Variants in FAM222A observed in about 807,000 individuals in gnomAD.
FAM222A encodes the protein family with sequence similarity 222 member A, also known as protein FAM222A.
A neutral mutation model predicts 25.8 loss-of-function variants in FAM222A; 7 were observed. The ratio of observed to expected loss-of-function variants is 0.27; its 90% CI spans 0.15 to 0.51. The LOEUF is 0.51. FAM222A is among the 20% of genes least tolerant of loss of function. The pLI is 0.97. For synonymous variants in FAM222A, 294 were observed against 298.8 expected (o/e 0.98, Z 0.17); for missense variants, 573 against 640.5 (o/e 0.89, Z 1.14).
At chr12:109,752,208 A>AGAAC (rs1164552277) in intron 2 of FAM222A, among the ~76,000 whole-genome samples, 4 of 152,232 alleles carry the variant, frequency 2.6e-5, no homozygotes, top group Non-Finnish European at 5.9e-5. Context: ...CTCCAAAGCC[A>AGAAC]GAACAGGAGA....
Position 109,760,364 on chromosome 12 carries a change from G to A in FAM222A, c.83-7648G>A, listed in dbSNP as rs77691086. 1.5e-3 allele frequency among the ~76,000 whole-genome samples: 223 copies of A among 152,322 alleles called. 2 individuals are homozygous for A. Among genetic ancestry groups the A allele is most frequent in the African/African-American group, 4.8e-3 (201 of 41,578 alleles). On this transcript the variant is annotated intron_variant, in intron 2 of 2. Coordinates refer to ENST00000538780, the MANE Select transcript of FAM222A (RefSeq NM_032829.3). ...AGTGAGGCTCCGGTTATGGAGGAAA[G>A]AGGGCACATCAGTGTGAGAGAATGG...
intron 2 of FAM222A, among the ~76,000 whole-genome samples, chr12:109,765,300 T>C (rs1889012524): frequency 1.3e-5 from 2 of 152,208 alleles, no homozygotes; most frequent in South Asian, 4.1e-4. Flanking sequence ...CCGATGCCAG[T>C]AGCACCTCTA....
intron 2 of FAM222A, among the ~76,000 whole-genome samples, chr12:109,765,374 CG>C (rs764159735): frequency 2.6e-5 from 4 of 152,012 alleles, no homozygotes; most frequent in Non-Finnish European, 5.9e-5. Context: ...CAGTGAGAGC[CG>C]CTTTCCTGCA....
At chr12:109,759,280 T>C (rs1344551) in intron 2 of FAM222A, among the ~76,000 whole-genome samples, 122,861 of 152,118 alleles carry the variant, frequency 0.81, 49,834 homozygotes, top group Non-Finnish European at 0.83. Context: ...GAAGAACACA[T>C]GCCTCTCCCT....
chr12:109,730,345 G>A (rs1234939741), intron 1 of FAM222A, among the ~76,000 whole-genome samples: 4 of 149,624 alleles, frequency 2.7e-5, no homozygotes, highest in Non-Finnish European at 4.4e-5. Context: ...AAGGAGGTGA[G>A]GAAGATTCTG....
intron 2 of FAM222A, among the ~76,000 whole-genome samples, chr12:109,755,697 C>T (rs1031457721): frequency 7.9e-5 from 12 of 152,192 alleles, no homozygotes; most frequent in Non-Finnish European, 8.8e-5. Context: ...TTTTGCATAT[C>T]GATACCTAGC....
chr12:109,760,818 G>A (rs1888869730), intron 2 of FAM222A, among the ~76,000 whole-genome samples: 1 of 152,200 alleles, frequency 6.6e-6, no homozygotes, highest in Non-Finnish European at 1.5e-5. Context: ...AGCTGGGGAC[G>A]CCATGTGTGG....
At chr12:109,763,975 A>G (rs955843203) in intron 2 of FAM222A, among the ~76,000 whole-genome samples, 2 of 152,104 alleles carry the variant, frequency 1.3e-5, no homozygotes, top group Non-Finnish European at 2.9e-5. Context: ...CTGACCTGTA[A>G]TCCCAGCACT....
intron 2 of FAM222A, among the ~76,000 whole-genome samples, chr12:109,755,287 C>CTTTTTT (rs540689300): frequency 3.0e-4 from 15 of 49,426 alleles, no homozygotes; most frequent in Admixed American, 6.0e-4. Flanking sequence ...TGTAATTCTT[C>CTTTTTT]TTTTTTTTTT....
In FAM222A at chr12:109,753,561, G is replaced by T. The variant is rs572875685; in HGVS notation, c.82+9333G>T. On this transcript the variant is annotated intron_variant, in intron 2 of 2. Coordinates refer to ENST00000538780, the MANE Select transcript of FAM222A (RefSeq NM_032829.3). ...ATACCTCACCTGCCCCCCCATCCCG[G>T]GGGGGGGAGCCTCTCCCACAATATC... 4.1e-4 allele frequency among the ~76,000 whole-genome samples: 45 copies of T among 108,944 alleles called. No individual in the cohort carries two copies. The East Asian group carries it at 0.017, about 40-fold the overall frequency. 71.5% of individuals were successfully genotyped at this position (108,944 alleles called of 152,430 possible).
chr12:109,762,179 AG>A (rs1239653334), intron 2 of FAM222A, among the ~76,000 whole-genome samples: 1 of 152,166 alleles, frequency 6.6e-6, no homozygotes, highest in Non-Finnish European at 1.5e-5. Context: ...TGGTTACTGT[AG>A]CTGTGTACTA....
At chr12:109,743,830 A>C in intron 1 of FAM222A, 1 of 985,026 alleles carries the variant, frequency 1.0e-6, no homozygotes, top group South Asian at 4.7e-5. Context: ...AGAGCAGATG[A>C]CCCAGATGCC....
intron 1 of FAM222A, among the ~76,000 whole-genome samples, chr12:109,715,220 CTGGGGGG>C: frequency 6.6e-6 from 1 of 151,988 alleles, no homozygotes; most frequent in Non-Finnish European, 1.5e-5. Context: ...CTTGGAAGGG[CTGGGGGG>C]TGGGGGGCAC....
In FAM222A at chr12:109,769,055, G is replaced by A. The variant is rs774939287; in HGVS notation, c.1126G>A (p.Ala376Thr). 67 of 1,590,796 alleles carry A rather than the reference G, an allele frequency of 4.2e-5. No individual in the cohort carries two copies. The highest frequency in any genetic ancestry group is 1.7e-4 in the Middle Eastern group (1 of 6,058). Residue 376 changes from alanine to threonine, a missense_variant, in exon 3 of 3, where the codon GCA becomes ACA. Transcript: ENST00000538780. ...AVVVTELGPG[A>T]ARELAGPPAD... ...GGTGGTCACGGAGCTGGGGCCGGGG[G>A]CAGCCCGGGAGCTGGCTGGGCCCCC...
chr12:109,762,857 G>A (rs1425532916), intron 2 of FAM222A, among the ~76,000 whole-genome samples: 1 of 152,124 alleles, frequency 6.6e-6, no homozygotes, highest in African/African-American at 2.4e-5. Flanking sequence ...ACTGTGGCCA[G>A]GCCAGGCTTC....
At chr12:109,733,625 G>A (rs1203543461) in intron 1 of FAM222A, among the ~76,000 whole-genome samples, 4 of 152,116 alleles carry the variant, frequency 2.6e-5, no homozygotes, top group Non-Finnish European at 2.9e-5. Flanking sequence ...GGATGGTCTC[G>A]ATCTCCTGTC....
intron 1 of FAM222A, 30 bp from the exon 2 acceptor site, chr12:109,744,071 G>A (rs1566191417): frequency 1.2e-5 from 19 of 1,560,094 alleles, no homozygotes; most frequent in South Asian, 9.4e-5. Context: ...CAGCCCCCAA[G>A]TGACAGAGCA....
At chr12:109,744,065 C>G in intron 1 of FAM222A, 36 bp from the exon 2 acceptor site, 5 of 1,548,088 alleles carry the variant, frequency 3.2e-6, no homozygotes, top group Non-Finnish European at 4.4e-6. Context: ...ACGGAGCAGC[C>G]CCCAAGTGAC....
chr12:109,758,592 C>G (rs897595508), intron 2 of FAM222A, among the ~76,000 whole-genome samples: 2 of 152,204 alleles, frequency 1.3e-5, no homozygotes, highest in South Asian at 2.1e-4. Flanking sequence ...CCCCACACCC[C>G]TCCCATAAAG....
Sources: allele counts gnomAD v4.1 joint callset (sites outside exome capture counted in the v4.1 genomes callset), GRCh38; gene constraint gnomAD v4.1.1; transcripts MANE v1.5; gene names NCBI Gene and HGNC (gene_info 2026-07-23, HGNC 2026-07-21).